Variants in RCAN2 observed in about 807,000 individuals in gnomAD.
The protein encoded by RCAN2 is calcipressin-2.
In RCAN2, 9 loss-of-function variants were observed where a neutral mutation model predicts 23.6. The observed-to-expected ratio is 0.38, with a 90% CI of 0.23 to 0.67. The LOEUF (loss-of-function observed/expected upper bound fraction) is 0.67. RCAN2 is among the 30% of genes least tolerant of loss of function. The probability of loss-of-function intolerance (pLI) is 0.51; values close to 1 mark genes in which losing one functional copy is unlikely to be tolerated. For synonymous variants in RCAN2, 109 were observed against 115.7 expected (o/e 0.94, Z 0.37); for missense variants, 273 against 302.3 (o/e 0.90, Z 0.72).
chr6:46,274,526 G>A (rs1457955737), intron 2 of RCAN2, among the ~76,000 whole-genome samples: 1 of 152,182 alleles, frequency 6.6e-6, no homozygotes, highest in African/African-American at 2.4e-5. Context: ...CTCTGAGTAT[G>A]GGCTCTGCAT....
intron 2 of RCAN2, chr6:46,325,873 A>T: frequency 1.0e-6 from 1 of 985,342 alleles, no homozygotes; most frequent in Non-Finnish European, 1.2e-6. Context: ...GTTGCAGCCG[A>T]GTGCTTATGT....
chr6:46,225,150 T>C (rs1310948287), intron 4 of RCAN2, among the ~76,000 whole-genome samples: 2 of 152,230 alleles, frequency 1.3e-5, no homozygotes, highest in Non-Finnish European at 2.9e-5. Flanking sequence ...CCATGGTGCA[T>C]ATGTGCCACC....
chr6:46,337,468 A>G (rs965736422), intron 2 of RCAN2, among the ~76,000 whole-genome samples: 12 of 152,244 alleles, frequency 7.9e-5, no homozygotes, highest in African/African-American at 2.7e-4. Context: ...GTATTTGATA[A>G]GCCTTACTCT....
chr6:46,302,585 C>T (rs1187813283), intron 2 of RCAN2, among the ~76,000 whole-genome samples: 1 of 152,106 alleles, frequency 6.6e-6, no homozygotes, highest in East Asian at 1.9e-4. Context: ...AGGACCTAAA[C>T]AAATGCTTGG....
chr6:46,319,354 A>G (rs1317639503), intron 2 of RCAN2, among the ~76,000 whole-genome samples: 1 of 152,220 alleles, frequency 6.6e-6, no homozygotes, highest in Non-Finnish European at 1.5e-5. Context: ...GCACTCTCTG[A>G]ATTTTACATT....
chr6:46,460,216 A>G (rs1534367), intron 1 of RCAN2, among the ~76,000 whole-genome samples: 70,672 of 151,300 alleles, frequency 0.47, 17,065 homozygotes, highest in East Asian at 0.53. Flanking sequence ...GCACCACCAT[A>G]TCTGGCTAAT....
chr6:46,252,240 C>T (rs989744840), intron 2 of RCAN2, among the ~76,000 whole-genome samples: 3 of 152,200 alleles, frequency 2.0e-5, no homozygotes, highest in Admixed American at 2.0e-4. Context: ...ACCAAAAGCA[C>T]TAGCTGTAGG....
chr6:46,468,042 A>G (rs1768445132), intron 1 of RCAN2, among the ~76,000 whole-genome samples: 1 of 152,230 alleles, frequency 6.6e-6, no homozygotes. Context: ...TTCCACAGCT[A>G]TAAATTGGGA....
intron 2 of RCAN2, among the ~76,000 whole-genome samples, chr6:46,260,897 G>A (rs1043516155): frequency 2.0e-5 from 3 of 152,052 alleles, no homozygotes; most frequent in African/African-American, 7.3e-5. Context: ...ACAGATCTCT[G>A]TTACATGCCA....
chr6:46,365,936 G>T (rs1765161173), intron 2 of RCAN2, among the ~76,000 whole-genome samples: 1 of 152,236 alleles, frequency 6.6e-6, no homozygotes, highest in Non-Finnish European at 1.5e-5. Flanking sequence ...GCATTATTTG[G>T]CTTAATCTTC....
rs534937015 is a variant in RCAN2 at position 46,232,032 on chromosome 6, C to G, written c.572-8731G>C. Among the ~76,000 whole-genome samples the G allele has an allele frequency of 1.6e-3, 247 of 152,284 alleles. 2 individuals carry two copies. Among genetic ancestry groups the G allele is most frequent in the African/African-American group, 5.5e-3 (230 of 41,562 alleles). ...AGGCAGGGAGAACTGCATCAACAAG[C>G]ATTGAATCTCTGATACAAGCAAGCT... On this transcript the variant is annotated intron_variant, in intron 4 of 4. Coordinates refer to ENST00000371374, the MANE Select transcript of RCAN2 (RefSeq NM_001251974.2).
chr6:46,468,190 T>G (rs1356672882), intron 1 of RCAN2, among the ~76,000 whole-genome samples: 1 of 152,232 alleles, frequency 6.6e-6, no homozygotes, highest in Non-Finnish European at 1.5e-5. Flanking sequence ...TAATCTGTTC[T>G]CCCTTAATTG....
At position 46,222,981 on chromosome 6, in the gene RCAN2, T is replaced by C. The variant is rs1765525307; in HGVS notation, c.*160A>G. ...GGGTATGATATGATCAGGAGACATA[T>C]CACCTTTTCCTAGCCCTTTTGTCCG... On this transcript the variant is annotated 3_prime_UTR_variant, in exon 5 of 5. Transcript: ENST00000371374. 2 of 701,092 alleles carry C rather than the reference T, an allele frequency of 2.9e-6. No homozygotes were observed. Among genetic ancestry groups the C allele is most frequent in the Non-Finnish European group, 2.4e-6 (1 of 408,532 alleles). The allele number at this position is 701,092 out of a possible 1,614,324, so 43.4% of individuals were successfully genotyped here. A position where few individuals can be genotyped will look rare whatever the true frequency, so the allele number is the denominator to read the frequency against.
At position 46,314,159 on chromosome 6, in the gene RCAN2, C is replaced by T. The variant is rs140186924; in HGVS notation, c.226-65263G>A. On this transcript the variant is annotated intron_variant, in intron 2 of 4. Coordinates refer to ENST00000371374, the MANE Select transcript of RCAN2 (RefSeq NM_001251974.2). ...GGCAGATCACTTGAGGCCAGGGGTTCGAGGCCAGCTTGGCCAACATGGCAA... is the reference window on the plus strand; with the variant it reads ...GGCAGATCACTTGAGGCCAGGGGTTTGAGGCCAGCTTGGCCAACATGGCAA... Among the ~76,000 whole-genome samples, 476 of 151,862 alleles carry T rather than the reference C, an allele frequency of 3.1e-3. 3 individuals carry two copies. The highest frequency in any genetic ancestry group is 0.02 in the Middle Eastern group (6 of 294).
chr6:46,447,511 C>T (rs1295659419), intron 2 of RCAN2, among the ~76,000 whole-genome samples: 1 of 151,838 alleles, frequency 6.6e-6, no homozygotes, highest in Non-Finnish European at 1.5e-5. Context: ...CAGACATATA[C>T]AAAAGATTGA....
intron 2 of RCAN2, among the ~76,000 whole-genome samples, chr6:46,264,013 G>A (rs1346489225): frequency 6.6e-6 from 1 of 152,168 alleles, no homozygotes; most frequent in Non-Finnish European, 1.5e-5. Flanking sequence ...ATGCAGATAG[G>A]CAAACTGCTC....
chr6:46,380,810 A>G (rs1284867660), intron 2 of RCAN2, among the ~76,000 whole-genome samples: 1 of 152,246 alleles, frequency 6.6e-6, no homozygotes, highest in Non-Finnish European at 1.5e-5. Flanking sequence ...GTAAAGAGAT[A>G]ACGCATGTAA....
At chr6:46,266,310 A>C (rs895744453) in intron 2 of RCAN2, among the ~76,000 whole-genome samples, 76 of 152,182 alleles carry the variant, frequency 5.0e-4, no homozygotes, top group Non-Finnish European at 7.3e-5. Context: ...TAATGCATTA[A>C]CGCTTGTAGA....
chr6:46,240,118 C>T (rs1442220), intron 4 of RCAN2, among the ~76,000 whole-genome samples: 132,134 of 152,114 alleles, frequency 0.87, 57,533 homozygotes, highest in East Asian at 0.97. Flanking sequence ...CTGGGTCCTC[C>T]CTGGGAATGA....
Sources: allele counts gnomAD v4.1 joint callset (sites outside exome capture counted in the v4.1 genomes callset), GRCh38; gene constraint gnomAD v4.1.1; transcripts MANE v1.5; gene names NCBI Gene and HGNC (gene_info 2026-07-23, HGNC 2026-07-21).